Variants in PDE4D observed in about 807,000 individuals in gnomAD.
PDE4D encodes the protein phosphodiesterase 4D.
PDE4D carries 24 observed loss-of-function variants against 87.4 expected under a neutral mutation model. That is an observed-to-expected ratio of 0.27 (90% CI 0.20 to 0.39). PDE4D has a LOEUF of 0.39. PDE4D is among the 10% of genes least tolerant of loss of function. PDE4D has a pLI of 1.00. For missense variants in PDE4D, 714 were observed against 1,041.0 expected (o/e 0.69, Z 4.32); for synonymous variants, 384 against 383.2 (o/e 1.00, Z -0.02).
chr5:59,901,923 AACACACAC>A (rs59453461), intron 3 of PDE4D, among the ~76,000 whole-genome samples: 6,021 of 134,212 alleles, frequency 0.045, 274 homozygotes, highest in African/African-American at 0.13. Context: ...CTTACATGCA[AACACACAC>A]ACACACACAC....
chr5:59,069,559 T>C (rs1300693804), intron 5 of PDE4D, among the ~76,000 whole-genome samples: 2 of 149,976 alleles, frequency 1.3e-5, no homozygotes, highest in Non-Finnish European at 3.0e-5. Context: ...TCTCCTTCCC[T>C]GGGTGATTCC....
intron 1 of PDE4D, among the ~76,000 whole-genome samples, chr5:59,562,059 G>A (rs559574377): frequency 6.6e-6 from 1 of 152,238 alleles, no homozygotes; most frequent in East Asian, 1.9e-4. Flanking sequence ...CCTGATACCA[G>A]TTTTTCTCTA....
intron 1 of PDE4D, among the ~76,000 whole-genome samples, chr5:60,459,672 G>A (rs1322889881): frequency 6.6e-6 from 1 of 152,130 alleles, no homozygotes; most frequent in Non-Finnish European, 1.5e-5. Context: ...CAAACAGAAA[G>A]GCGTAGAGAC....
intron 1 of PDE4D, among the ~76,000 whole-genome samples, chr5:59,319,922 A>G (rs891290967): frequency 1.3e-5 from 2 of 152,154 alleles, no homozygotes; most frequent in Non-Finnish European, 1.5e-5. Context: ...AGCCAGTTCT[A>G]CAGGAACCAA....
chr5:60,242,077 A>G lies in PDE4D; in HGVS notation c.-89-56390T>C, dbSNP rs143781165. Among the ~76,000 whole-genome samples the G allele has an allele frequency of 6.8e-3, 1,037 of 152,156 alleles. 7 individuals are homozygous for G. Among genetic ancestry groups the G allele is most frequent in the Non-Finnish European group, 0.012 (815 of 67,970 alleles). ...TGGTGCTAATATCCTTCAAACATAC[A>G]TTGCCTATAATAAACACACTTCACC... On this transcript the variant is annotated intron_variant, in intron 1 of 16. Coordinates refer to the PDE4D transcript ENST00000502484.
intron 1 of PDE4D, among the ~76,000 whole-genome samples, chr5:59,635,473 C>G (rs757213315): frequency 9.2e-5 from 14 of 152,142 alleles, no homozygotes; most frequent in Admixed American, 2.6e-4. Context: ...TGATGAACAT[C>G]GATGTGAAAA....
chr5:60,107,921 T>C (rs1365991974), intron 2 of PDE4D, among the ~76,000 whole-genome samples: 1 of 152,138 alleles, frequency 6.6e-6, no homozygotes, highest in Non-Finnish European at 1.5e-5. Context: ...GGGCAAAAAC[T>C]AGAATCATTC....
chr5:59,083,628 C>A (rs1466046046), intron 5 of PDE4D, among the ~76,000 whole-genome samples: 1 of 151,862 alleles, frequency 6.6e-6, no homozygotes, highest in African/African-American at 2.4e-5. Flanking sequence ...GAAATCAGAT[C>A]ATACTTAATG....
chr5:59,726,381 A>G (rs983010874), intron 1 of PDE4D, among the ~76,000 whole-genome samples: 2 of 152,008 alleles, frequency 1.3e-5, no homozygotes, highest in African/African-American at 4.8e-5. Context: ...CCTTTATGTA[A>G]TAGTATTCGG....
chr5:59,757,640 G>T (rs1327602983), intron 1 of PDE4D, among the ~76,000 whole-genome samples: 1 of 152,082 alleles, frequency 6.6e-6, no homozygotes, highest in Non-Finnish European at 1.5e-5. Context: ...TTGCTGTTCT[G>T]TTGCTTAGTG....
At chr5:60,016,097 A>G (rs1765492764) in intron 2 of PDE4D, among the ~76,000 whole-genome samples, 3 of 151,980 alleles carry the variant, frequency 2.0e-5, no homozygotes, top group African/African-American at 7.3e-5. Context: ...ACACACAGGC[A>G]TACCTCAAAG....
chr5:59,856,314 G>A (rs79798166), intron 1 of PDE4D, among the ~76,000 whole-genome samples: 8,516 of 152,210 alleles, frequency 0.056, 328 homozygotes, highest in Middle Eastern at 0.11. Flanking sequence ...CAATACAGGC[G>A]AAGAGAAGAC....
intron 6 of PDE4D, among the ~76,000 whole-genome samples, chr5:59,006,824 G>A (rs1751712497): frequency 6.6e-6 from 1 of 152,098 alleles, no homozygotes; most frequent in East Asian, 1.9e-4. Context: ...TATTGACTTT[G>A]TAACAGAGGT....
chr5:59,216,014 GTTC>G, intron 1 of PDE4D, 46 bp from the exon 2 acceptor site: 1 of 1,399,220 alleles, frequency 7.1e-7, no homozygotes, highest in African/African-American at 1.4e-5. Context: ...ACATTCACAT[GTTC>G]ATATTTTCAA....
chr5:59,005,550 A>G (rs1263709050), intron 6 of PDE4D, among the ~76,000 whole-genome samples: 1 of 152,196 alleles, frequency 6.6e-6, no homozygotes, highest in Non-Finnish European at 1.5e-5. Flanking sequence ...GAGAATCTAG[A>G]TAATTTAGAA....
intron 2 of PDE4D, among the ~76,000 whole-genome samples, chr5:60,006,875 C>T (rs1278821530): frequency 6.6e-6 from 1 of 150,768 alleles, no homozygotes; most frequent in Admixed American, 6.6e-5. Flanking sequence ...TTCAAATAAA[C>T]AGCAAGTTTC....
chr5:60,351,366 C>T (rs2149926246), intron 1 of PDE4D, among the ~76,000 whole-genome samples: 1 of 152,218 alleles, frequency 6.6e-6, no homozygotes, highest in Non-Finnish European at 1.5e-5. Flanking sequence ...TTACAGGCTC[C>T]CTTGCAGCTT....
At chr5:59,712,803 T>C (rs950496420) in intron 1 of PDE4D, among the ~76,000 whole-genome samples, 3 of 152,124 alleles carry the variant, frequency 2.0e-5, no homozygotes, top group African/African-American at 4.8e-5. Flanking sequence ...CATAATAACA[T>C]TGGTGGACAA....
intron 1 of PDE4D, among the ~76,000 whole-genome samples, chr5:59,854,107 A>G (rs1259662657): frequency 6.6e-6 from 1 of 152,038 alleles, no homozygotes; most frequent in East Asian, 1.9e-4. Flanking sequence ...ATTTCCCATA[A>G]ATATTGTTGC....
Sources: allele counts gnomAD v4.1 joint callset (sites outside exome capture counted in the v4.1 genomes callset), GRCh38; gene constraint gnomAD v4.1.1; transcripts MANE v1.5; gene names NCBI Gene and HGNC (gene_info 2026-07-23, HGNC 2026-07-21).